Variants in MAP3K5 observed in about 807,000 individuals in gnomAD.
MAP3K5 encodes the protein ASK-1.
A neutral mutation model predicts 158.7 loss-of-function variants in MAP3K5; 56 were observed. That is an observed-to-expected ratio of 0.35 (90% CI 0.28 to 0.44). The LOEUF (loss-of-function observed/expected upper bound fraction) is 0.44, where lower values mean the gene tolerates loss of function less well. Among genes scored for constraint, MAP3K5 ranks in the 20% least tolerant of loss-of-function variants. The pLI is 1.00. For synonymous variants in MAP3K5, 579 were observed against 601.7 expected, an observed-to-expected ratio of 0.96 and a Z score of 0.55; for missense variants, 1,294 against 1,674.8, an observed-to-expected ratio of 0.77 and a Z score of 3.97.
intron 14 of MAP3K5, among the ~76,000 whole-genome samples, chr6:136,624,308 G>C (rs553369064): frequency 2.0e-5 from 3 of 152,250 alleles, no homozygotes; most frequent in South Asian, 4.1e-4. Context: ...TAACAACATA[G>C]CCTTGAAATA....
intron 1 of MAP3K5, among the ~76,000 whole-genome samples, chr6:136,731,008 G>C (rs960018524): frequency 4.6e-5 from 7 of 152,212 alleles, no homozygotes. Flanking sequence ...AACCACACGT[G>C]ACAACATGGA....
intron 28 of MAP3K5, among the ~76,000 whole-genome samples, chr6:136,560,137 C>T (rs1464680992): frequency 1.3e-5 from 2 of 152,112 alleles, no homozygotes; most frequent in South Asian, 4.1e-4. Context: ...TAATGTATGC[C>T]TGTGTGTTCA....
intron 14 of MAP3K5, among the ~76,000 whole-genome samples, chr6:136,633,272 G>A (rs1315938066): frequency 1.3e-5 from 2 of 152,054 alleles, no homozygotes; most frequent in Middle Eastern, 3.4e-3. Flanking sequence ...GATGGTGGGC[G>A]TCTGTAATCC....
chr6:136,746,107 T>G (rs1026660654), intron 1 of MAP3K5, among the ~76,000 whole-genome samples: 2 of 152,162 alleles, frequency 1.3e-5, no homozygotes, highest in Admixed American at 1.3e-4. Flanking sequence ...TGGAAGAGTG[T>G]CAGATACTTC....
chr6:136,674,217 T>C (rs909410748), intron 7 of MAP3K5, among the ~76,000 whole-genome samples: 1 of 151,980 alleles, frequency 6.6e-6, no homozygotes, highest in Non-Finnish European at 1.5e-5. Context: ...TAAAAGTGCT[T>C]CAGACTAAAG....
intron 19 of MAP3K5, among the ~76,000 whole-genome samples, chr6:136,602,634 T>C (rs1775928899): frequency 6.6e-6 from 1 of 152,174 alleles, no homozygotes; most frequent in Non-Finnish European, 1.5e-5. Flanking sequence ...TTGCTCACAG[T>C]AGCTAAGTGC....
chr6:136,701,294 A>T (rs1420775276), intron 3 of MAP3K5, among the ~76,000 whole-genome samples: 1 of 152,250 alleles, frequency 6.6e-6, no homozygotes. Context: ...AAAACAGGCA[A>T]GAAATGCCAA....
chr6:136,701,786 G>A (rs895574854), intron 3 of MAP3K5, among the ~76,000 whole-genome samples: 1 of 152,162 alleles, frequency 6.6e-6, no homozygotes, highest in South Asian at 2.1e-4. Flanking sequence ...GTCACAAAAT[G>A]AGAACAAAGA....
chr6:136,790,549 C>G (rs1380513652), intron 1 of MAP3K5, among the ~76,000 whole-genome samples: 4 of 152,206 alleles, frequency 2.6e-5, no homozygotes, highest in Admixed American at 2.6e-4. Flanking sequence ...TTTATTTAGT[C>G]TGGCTTCCTT....
In MAP3K5 at chr6:136,587,770, C is replaced by T. The variant is rs12526496; in HGVS notation, c.3226-4030G>A. Among the ~76,000 whole-genome samples the T allele has an allele frequency of 0.012, 1,829 of 152,330 alleles. 92 individuals are homozygous for T. The East Asian group carries it at 0.14, about 11-fold the overall frequency. ...AGTTTCGGGTACTCACTGGTAGCTT[C>T]ATGCTGGTCCCCTAAGGCATGCCCT... is the stretch of plus-strand genomic sequence containing the variant. On this transcript the variant is annotated intron_variant, in intron 23 of 29. Coordinates refer to ENST00000359015, the MANE Select transcript of MAP3K5 (RefSeq NM_005923.4).
At chr6:136,737,037 G>GTGTGTATATATATATATATATATATATA (rs759947051) in intron 1 of MAP3K5, among the ~76,000 whole-genome samples, 58 of 126,916 alleles carry the variant, frequency 4.6e-4, no homozygotes, top group African/African-American at 2.1e-3. Flanking sequence ...ATATGTGTGT[G>GTGTGTATATATATATATATATATATATA]TATATATATA....
intron 3 of MAP3K5, among the ~76,000 whole-genome samples, chr6:136,701,502 T>C (rs551659787): frequency 7.2e-5 from 11 of 152,296 alleles, no homozygotes; most frequent in African/African-American, 2.6e-4. Flanking sequence ...GGAACAATAA[T>C]TAGAAGAGGA....
chr6:136,757,165 G>T (rs1783528084), intron 1 of MAP3K5, among the ~76,000 whole-genome samples: 1 of 152,186 alleles, frequency 6.6e-6, no homozygotes, highest in Non-Finnish European at 1.5e-5. Context: ...GTTTTATGCT[G>T]GGACGTGGGG....
At chr6:136,577,090 C>T (rs142817908) in intron 25 of MAP3K5, among the ~76,000 whole-genome samples, 57 of 152,174 alleles carry the variant, frequency 3.7e-4, no homozygotes, top group African/African-American at 1.3e-3. Context: ...ATTGTACTAG[C>T]GATGGTATAC....
intron 24 of MAP3K5, among the ~76,000 whole-genome samples, chr6:136,580,674 G>C (rs1774830617): frequency 1.3e-5 from 2 of 152,120 alleles, no homozygotes; most frequent in African/African-American, 4.8e-5. Context: ...CTCAGAATGT[G>C]CAGTTTTTAG....
chr6:136,557,743 T>C lies in MAP3K5; in HGVS notation c.*15A>G. 1 of 1,597,888 alleles carries C rather than the reference T, an allele frequency of 6.3e-7. No individual in the cohort carries two copies. Among genetic ancestry groups the C allele is most frequent in the Non-Finnish European group, 8.6e-7 (1 of 1,165,276 alleles). On this transcript the variant is annotated 3_prime_UTR_variant, in exon 30 of 30. Transcript: ENST00000359015. ...AATTTTTAGAATTTCCATCGAAGAT[T>C]AGATTGAGCAACAGTCAAGTCTGTT...
At chr6:136,559,660 A>G (rs1830417843) in intron 28 of MAP3K5, among the ~76,000 whole-genome samples, 1 of 152,198 alleles carries the variant, frequency 6.6e-6, no homozygotes, top group Non-Finnish European at 1.5e-5. Flanking sequence ...CCATAAAAGC[A>G]GAGTCTTAAT....
At chr6:136,687,587 C>A (rs1226105806) in intron 7 of MAP3K5, among the ~76,000 whole-genome samples, 3 of 151,824 alleles carry the variant, frequency 2.0e-5, no homozygotes, top group Non-Finnish European at 4.4e-5. Flanking sequence ...AGAAAAAAAA[C>A]AATCCCATCA....
chr6:136,702,089 G>A (rs756437740), intron 3 of MAP3K5, among the ~76,000 whole-genome samples: 3 of 152,058 alleles, frequency 2.0e-5, no homozygotes, highest in East Asian at 1.9e-4. Flanking sequence ...CAGAGTCTTC[G>A]CTGAAAATAC....
Sources: allele counts gnomAD v4.1 joint callset (sites outside exome capture counted in the v4.1 genomes callset), GRCh38; gene constraint gnomAD v4.1.1; transcripts MANE v1.5; gene names NCBI Gene and HGNC (gene_info 2026-07-23, HGNC 2026-07-21).